The following NKPD1 variants were observed in gnomAD, a reference collection of about 807,000 sequenced individuals.
NKPD1 encodes NTPase KAP family P-loop domain-containing protein 1.
In NKPD1, 37 loss-of-function variants were observed where a neutral mutation model predicts 42.2. The ratio of observed to expected loss-of-function variants is 0.88; its 90% CI spans 0.67 to 1.15. The LOEUF (loss-of-function observed/expected upper bound fraction) is 1.15, where lower values mean the gene tolerates loss of function less well. Ranked by LOEUF, NKPD1 falls within the 50% of genes most tolerant of loss-of-function variation. The pLI is 0.00. For synonymous variants in NKPD1, 552 were observed against 536.5 expected (o/e 1.03, Z -0.40); for missense variants, 1,113 against 1,174.6 (o/e 0.95, Z 0.77).
At position 45,158,996 on chromosome 19, in the gene NKPD1, C is replaced by A. The variant is rs1568459097; in HGVS notation, c.196G>T (p.Val66Leu). The change falls in exon 3 of 5, where the codon GTG becomes TTG. Residue 66 changes from valine to leucine, a missense_variant. Physicochemically the swap from Val to Leu is conservative, Grantham distance 32. Coordinates refer to ENST00000686631, the MANE Select transcript of NKPD1 (RefSeq NM_198478.4). This position sits in a 1 kb window ranked among gnomAD's most constrained non-coding sequence, Gnocchi z 4.6. ...CCCCGGCGCCAGCCACTGCCACCCA[C>A]TTGGTGGCTGTGGTAGGCCAGCTGC... Reference protein sequence around the residue: ...HWQLAYHSHQVGGSGWRRGLL... With the variant: ...HWQLAYHSHQLGGSGWRRGLL... 30 of 1,301,462 alleles carry A rather than the reference C, an allele frequency of 2.3e-5. No individual in the cohort carries two copies. Among genetic ancestry groups the A allele is most frequent in the Middle Eastern group, 2.2e-4 (1 of 4,528 alleles). 80.6% of individuals were successfully genotyped at this position (1,301,462 alleles called of 1,614,324 possible).
chr19:45,151,924 G>T lies in NKPD1; in HGVS notation c.*14C>A. The T allele has an allele frequency of 6.5e-7, 1 of 1,530,020 alleles. No homozygotes were observed. Among genetic ancestry groups the T allele is most frequent in the Non-Finnish European group, 8.8e-7 (1 of 1,136,284 alleles). 94.8% of individuals were successfully genotyped at this position (1,530,020 alleles called of 1,614,324 possible). A position where few individuals can be genotyped will look rare whatever the true frequency, so the allele number is the denominator to read the frequency against. ...GAGGAACCCTTGCCTCCTGCTGCCC[G>T]CCAAGTCCTCCATTTAAGGCCCACC... On this transcript the variant is annotated 3_prime_UTR_variant, in exon 5 of 5. Transcript: ENST00000686631.
intron 4 of NKPD1, among the ~76,000 whole-genome samples, chr19:45,154,660 T>A (rs1968868132): frequency 6.6e-6 from 1 of 152,110 alleles, no homozygotes; most frequent in Non-Finnish European, 1.5e-5. Flanking sequence ...AGGAGGAACG[T>A]CAGTCCCAGC....
chr19:45,154,750 C>T (rs575961742), intron 4 of NKPD1, among the ~76,000 whole-genome samples: 36 of 152,202 alleles, frequency 2.4e-4, no homozygotes, highest in African/African-American at 8.4e-4. Context: ...AGGCCAGTCG[C>T]GGTGAGTCAC....
At position 45,150,503 on chromosome 19, in the gene NKPD1, A is replaced by G. The variant is rs528518085; in HGVS notation, c.*1435T>C. 1 of 152,198 alleles carries G rather than the reference A, an allele frequency of 6.6e-6. No individual in the cohort carries two copies. Among genetic ancestry groups the G allele is most frequent in the South Asian group, 2.1e-4 (1 of 4,832 alleles). The allele number at this position is 152,198 out of a possible 1,614,324, so 9.4% of individuals were successfully genotyped here. On this transcript the variant is annotated 3_prime_UTR_variant, in exon 5 of 5. Transcript: ENST00000686631. ...AGGCTACAGGGATATATTGACCCCA[A>G]CCACACATCTACAGAAACAGACTTA...
chr19:45,156,854 G>A (rs1026553273), intron 3 of NKPD1, among the ~76,000 whole-genome samples: 66 of 152,204 alleles, frequency 4.3e-4, no homozygotes, highest in Non-Finnish European at 2.1e-4. Context: ...CACACCTGGC[G>A]GCAGAGCCAG....
rs556469784 is a variant in NKPD1 at position 45,152,128 on chromosome 19, T to C, written c.2309A>G (p.Lys770Arg). 3.7e-6 allele frequency: 6 copies of C among 1,602,662 alleles called. No homozygotes were observed. Among genetic ancestry groups the C allele is most frequent in the Non-Finnish European group, 5.1e-6 (6 of 1,175,676 alleles). The change falls in exon 5 of 5, where the codon AAG (lysine) becomes AGG (arginine). Residue 770 changes from lysine (K) to arginine (R), a missense_variant. Lys to Arg is a conservative substitution (Grantham distance 26, BLOSUM62 2). Transcript: ENST00000686631. ...GTGGGGGGTATCGCGGGTAGGGGAC[T>C]TGGGCGGGCTGGGCGGCTTGAGCGC... The part of the protein sequence containing the change: ...VSALKPPSPP[K>R]SPTRDTPHAA...
intron 4 of NKPD1, among the ~76,000 whole-genome samples, chr19:45,154,011 T>G: frequency 6.6e-6 from 1 of 150,924 alleles, no homozygotes. Context: ...GGCTGTGGGG[T>G]CGGGATGGGC....
chr19:45,155,023 TA>T (rs11345601), intron 4 of NKPD1, among the ~76,000 whole-genome samples: 66,215 of 112,490 alleles, frequency 0.59, 19,132 homozygotes, highest in South Asian at 0.68. Flanking sequence ...AGACTCCATT[TA>T]AAAAAAAAAA....
At chr19:45,161,987 C>CT, upstream of NKPD1, among the ~76,000 whole-genome samples, 1 of 3,556 alleles carries the variant, frequency 2.8e-4, no homozygotes, top group East Asian at 0.1. Flanking sequence ...CGACCTGGGA[C>CT]CCCGTCTCCT....
rs1968765638 is a variant in NKPD1 at position 45,150,941 on chromosome 19, CT to C, written c.*996del. ...TCCCAGGGTATGTTCAGTGTTGGCC[CT>C]TGTGGCCCCTGCCGGCACACACTTG... On this transcript the variant is annotated 3_prime_UTR_variant, in exon 5 of 5. Transcript: ENST00000686631. 1 of 152,332 alleles carries C rather than the reference CT, an allele frequency of 6.6e-6. No homozygotes were observed. The highest frequency in any genetic ancestry group is 1.5e-5 in the Non-Finnish European group (1 of 68,108). The allele number at this position is 152,332 out of a possible 1,614,324, so 9.4% of individuals were successfully genotyped here. A position where few individuals can be genotyped will look rare whatever the true frequency, so the allele number is the denominator to read the frequency against.
rs1968762315 is a variant in NKPD1 at position 45,150,715 on chromosome 19, A to G, written c.*1223T>C. ...TCCCACTGACCTGCATGCACCTGTG[A>G]CAATTGCTGTGGCCAGAGAACTCCG... On this transcript the variant is annotated 3_prime_UTR_variant, in exon 5 of 5. Transcript: ENST00000686631. 6.6e-6 allele frequency: 1 copy of G among 152,280 alleles called. No individual in the cohort carries two copies. The highest frequency in any genetic ancestry group is 6.5e-5 in the Admixed American group (1 of 15,282). 9.4% of individuals were successfully genotyped at this position (152,280 alleles called of 1,614,324 possible).
upstream of NKPD1, among the ~76,000 whole-genome samples, chr19:45,162,664 A>C (rs1361450528): frequency 1.3e-5 from 2 of 152,114 alleles, no homozygotes; most frequent in Non-Finnish European, 2.9e-5. Context: ...GGGCACTCCC[A>C]GCCCTGCTCC....
Position 45,152,695 on chromosome 19 carries a change from C to A in NKPD1, c.1742G>T (p.Gly581Val). 5.2e-6 allele frequency: 8 copies of A among 1,550,538 alleles called. No homozygotes were observed. The highest frequency in any genetic ancestry group is 6.9e-6 in the Non-Finnish European group (8 of 1,153,840). Reference sequence around the variant, plus strand: ...GATGCGGCCCTGCCCGCGCTCCGTCCCCGCCTGCGCCTGCACCGCCAGCAG... The same window carrying A: ...GATGCGGCCCTGCCCGCGCTCCGTCACCGCCTGCGCCTGCACCGCCAGCAG... ...AQLLAVQAQA[G>V]TERGQGRIDD... Residue 581 changes from glycine to valine, a missense_variant, in exon 5 of 5, where the codon GGG becomes GTG. Physicochemically the swap from Gly to Val is moderately radical, Grantham distance 109. Transcript: ENST00000686631.
Position 45,160,140 on chromosome 19 carries a change from T to C in NKPD1, c.11A>G (p.His4Arg), listed in dbSNP as rs1270497149. Residue 4 changes from histidine to arginine, a missense_variant, in exon 2 of 5, where the codon CAT (histidine) becomes CGT (arginine). Physicochemically the swap from His to Arg is conservative, Grantham distance 29. Around this residue, in one of 3 missense-constraint regions of NKPD1, gnomAD observed 204 missense variants for 227.8 expected, o/e 0.90. Transcript: ENST00000686631. MHK[H>R]YKVHFAKDAQ... ...ATCCTTGGCGAAGTGGACTTTGTAA[T>C]GTTTGTGCATGGCAGCCGGGCAGCT... The C allele has an allele frequency of 5.4e-6, 7 of 1,304,718 alleles. No individual in the cohort carries two copies. Among genetic ancestry groups the C allele is most frequent in the Non-Finnish European group, 7.1e-6 (7 of 988,674 alleles). The allele number at this position is 1,304,718 out of a possible 1,614,324, so 80.8% of individuals were successfully genotyped here. A position where few individuals can be genotyped will look rare whatever the true frequency, so the allele number is the denominator to read the frequency against.
intron 1 of NKPD1, among the ~76,000 whole-genome samples, 195 bp downstream of exon 1, chr19:45,160,729 AT>A: frequency 6.6e-6 from 1 of 151,800 alleles, no homozygotes; most frequent in South Asian, 2.1e-4. Context: ...CGGTGGTCCA[AT>A]TTGGGGAGAG....
Position 45,151,989 on chromosome 19 carries a change from C to G in NKPD1, c.2448G>C (p.Pro816=). The G allele has an allele frequency of 1.9e-6, 3 of 1,605,912 alleles. No homozygotes were observed. ...CTGGACGGAAGAGCGCACAGGCCACCGGCCATAGCTTGCCCCTGTGGGCCA... is the reference window on the plus strand; with the variant it reads ...CTGGACGGAAGAGCGCACAGGCCACGGGCCATAGCTTGCCCCTGTGGGCCA... ...GDLAHRGKLW[P]VACALFRPGQ... The change falls in exon 5 of 5, where the codon CCG becomes CCC. Residue 816 remains proline, a synonymous_variant. Transcript: ENST00000686631.
rs1420624504 is a variant in NKPD1, at chr19:45,152,548, G to A, written c.1889C>T (p.Pro630Leu). The A allele has an allele frequency of 1.9e-6, 3 of 1,584,552 alleles. No homozygotes were observed. The highest frequency in any genetic ancestry group is 2.3e-5 in the East Asian group (1 of 43,294). ...CTGCTGCAGCAGGCGCACGGTGATG[G>A]GCACGGTGTTGACGATGCGCCGCAT... ...VSMRRIVNTVPITVRLLQQQQ... is the reference protein window; with the variant it reads ...VSMRRIVNTVLITVRLLQQQQ... Residue 630 changes from proline (P) to leucine (L), a missense_variant, in exon 5 of 5, where the codon CCC (proline) becomes CTC (leucine). Coordinates refer to ENST00000686631, the MANE Select transcript of NKPD1 (RefSeq NM_198478.4).
rs1286408396 is a variant in NKPD1 at position 45,149,813 on chromosome 19, A to G, written c.*2125T>C. 2 of 152,038 alleles carry G rather than the reference A, an allele frequency of 1.3e-5. No individual in the cohort carries two copies. Among genetic ancestry groups the G allele is most frequent in the African/African-American group, 2.4e-5 (1 of 41,410 alleles). 9.4% of individuals were successfully genotyped at this position (152,038 alleles called of 1,614,324 possible). A position where few individuals can be genotyped will look rare whatever the true frequency, so the allele number is the denominator to read the frequency against. ...TCAGAGTGGCAGGCAGCTCTTCACC[A>G]AGTTATTCCTGGACCCAGGCCCCTT... On this transcript the variant is annotated 3_prime_UTR_variant, in exon 5 of 5. Coordinates refer to ENST00000686631, the MANE Select transcript of NKPD1 (RefSeq NM_198478.4).
chr19:45,158,759 A>C lies in NKPD1; in HGVS notation c.433T>G (p.Ser145Ala), dbSNP rs1259371790. Residue 145 changes from serine (S) to alanine (A), a missense_variant, in exon 3 of 5, where the codon TCC becomes GCC. Physicochemically the swap from Ser to Ala is moderately conservative, Grantham distance 99 (BLOSUM62 1). Coordinates refer to ENST00000686631, the MANE Select transcript of NKPD1 (RefSeq NM_198478.4). This position sits in a 1 kb window ranked among gnomAD's most constrained non-coding sequence, Gnocchi z 4.6. ...AMARSGPALP[S>A]AAGVLLKPSE... ...GGCTTCAGGAGGACGCCAGCCGCGG[A>C]GGGTAGAGCTGGGCCACTCCTGGCC... 1 of 1,218,666 alleles carries C rather than the reference A, an allele frequency of 8.2e-7. No individual in the cohort carries two copies. 75.5% of individuals were successfully genotyped at this position (1,218,666 alleles called of 1,614,324 possible). A position where few individuals can be genotyped will look rare whatever the true frequency, so the allele number is the denominator to read the frequency against.
Sources: gnomAD v4.1 joint callset for allele counts (sites outside exome capture counted in the v4.1 genomes callset) on GRCh38, gnomAD v4.1.1 for gene constraint, gnomAD v4.1.1 regional missense constraint, Gnocchi (gnomAD v3.1) non-coding constraint, MANE v1.5 for transcripts, NCBI Gene and HGNC (gene_info 2026-07-23, HGNC 2026-07-21) for gene names.